ATP8B4: variants seen among roughly 807,000 people sequenced by gnomAD.
ATP8B4 encodes ATPase phospholipid transporting 8B4 (putative).
In ATP8B4, 133 loss-of-function variants were observed where a neutral mutation model predicts 145.6. The ratio of observed to expected loss-of-function variants is 0.91; its 90% CI spans 0.79 to 1.05. The LOEUF (loss-of-function observed/expected upper bound fraction) is 1.05, where lower values mean the gene tolerates loss of function less well. Ranked by LOEUF, ATP8B4 falls within the 50% of genes least tolerant of loss-of-function variation. The probability of loss-of-function intolerance (pLI) is 0.00; values close to 1 mark genes in which losing one functional copy is unlikely to be tolerated. For missense variants in ATP8B4, 1,458 were observed against 1,425.2 expected (o/e 1.02, Z -0.37); for synonymous variants, 507 against 492.9 (o/e 1.03, Z -0.38).
intron 5 of ATP8B4, among the ~76,000 whole-genome samples, chr15:50,040,161 C>T (rs1333250310): frequency 6.6e-6 from 1 of 152,224 alleles, no homozygotes. Flanking sequence ...TGCCCTGTGG[C>T]TTCTGGTAAG....
At chr15:50,064,453 T>G (rs2053238905) in intron 3 of ATP8B4, among the ~76,000 whole-genome samples, 1 of 152,116 alleles carries the variant, frequency 6.6e-6, no homozygotes, top group African/African-American at 2.4e-5. Context: ...CTCTCATTAT[T>G]CAAGCAAAAA....
chr15:50,174,244 T>G (rs1322620309), intron 1 of ATP8B4, among the ~76,000 whole-genome samples: 1 of 152,088 alleles, frequency 6.6e-6, no homozygotes, highest in African/African-American at 2.4e-5. Context: ...AAGACAAGGA[T>G]GCACACTGTC....
At chr15:49,950,961 G>A (rs2043050681) in intron 14 of ATP8B4, among the ~76,000 whole-genome samples, 1 of 152,220 alleles carries the variant, frequency 6.6e-6, no homozygotes, top group East Asian at 1.9e-4. Flanking sequence ...TTACCCAGGA[G>A]TCATTCAGAA....
intron 18 of ATP8B4, among the ~76,000 whole-genome samples, chr15:49,919,549 T>C (rs927247162): frequency 2.0e-5 from 3 of 151,942 alleles, no homozygotes; most frequent in African/African-American, 7.3e-5. Flanking sequence ...TCCCAAGTAG[T>C]TGGGACTACA....
At chr15:50,120,491 G>A (rs1321438779), upstream of ATP8B4, among the ~76,000 whole-genome samples, 1 of 152,146 alleles carries the variant, frequency 6.6e-6, no homozygotes, top group Non-Finnish European at 1.5e-5. Flanking sequence ...CTTTGTTAAA[G>A]AAGATATAAG....
intron 2 of ATP8B4, among the ~76,000 whole-genome samples, chr15:50,098,402 C>T (rs763542676): frequency 1.1e-4 from 17 of 148,146 alleles, no homozygotes; most frequent in Admixed American, 6.9e-4. Flanking sequence ...AGCTATCCTC[C>T]GAGCTCAGTC....
intron 16 of ATP8B4, among the ~76,000 whole-genome samples, chr15:49,925,962 T>C (rs1241537016): frequency 6.6e-6 from 1 of 152,200 alleles, no homozygotes; most frequent in African/African-American, 2.4e-5. Flanking sequence ...GGACAAAGGT[T>C]ACAGTTTTTA....
At chr15:50,049,606 G>T (rs2052015125) in intron 3 of ATP8B4, among the ~76,000 whole-genome samples, 1 of 152,158 alleles carries the variant, frequency 6.6e-6, no homozygotes, top group South Asian at 2.1e-4. Context: ...GTGCCGTAAT[G>T]AACATACAAG....
At chr15:49,861,500 A>C (rs1481877276) in intron 27 of ATP8B4, among the ~76,000 whole-genome samples, 3 of 148,234 alleles carry the variant, frequency 2.0e-5, no homozygotes, top group African/African-American at 5.0e-5. Context: ...CTACCTACCT[A>C]CCTCAGTCTC....
intron 25 of ATP8B4, among the ~76,000 whole-genome samples, chr15:49,869,438 C>T (rs1336891050): frequency 6.6e-6 from 1 of 151,704 alleles, no homozygotes; most frequent in African/African-American, 2.4e-5. Flanking sequence ...GATTATGTAT[C>T]AGGCAAATGT....
chr15:50,009,047 C>T (rs2048525030), intron 7 of ATP8B4, among the ~76,000 whole-genome samples: 1 of 152,096 alleles, frequency 6.6e-6, no homozygotes, highest in African/African-American at 2.4e-5. Context: ...CTTAGAATTC[C>T]ACACGTCCCT....
chr15:50,032,840 TAAC>T (rs2050553383), intron 6 of ATP8B4, among the ~76,000 whole-genome samples: 1 of 152,168 alleles, frequency 6.6e-6, no homozygotes, highest in South Asian at 2.1e-4. Context: ...AAGAAAATAG[TAAC>T]AATAATTACT....
At chr15:50,040,823 T>C (rs1277168329) in intron 5 of ATP8B4, among the ~76,000 whole-genome samples, 17 of 152,060 alleles carry the variant, frequency 1.1e-4, no homozygotes, top group Non-Finnish European at 1.5e-5. Context: ...CTCTAAGAAA[T>C]AAATATGAAG....
chr15:49,897,434 C>A lies in ATP8B4; in HGVS notation c.2555G>T (p.Arg852Ile), dbSNP rs774345282. The change falls in exon 23 of 28, where the codon AGA (arginine) becomes ATA (isoleucine). Residue 852 changes from arginine (R) to isoleucine (I), a missense_variant. By Grantham distance (97) the Arg-to-Ile change is moderately conservative. Transcript: ENST00000284509. ...AACAAGGAGAAGCCTTTGGAGATAT[C>A]TAAACTGTGCAAATGAATAGTCGCT... ...LASDYSFAQF[R>I]YLQRLLLVHG... 1.2e-6 allele frequency: 2 copies of A among 1,612,188 alleles called. No individual in the cohort carries two copies. The highest frequency in any genetic ancestry group is 1.3e-5 in the African/African-American group (1 of 74,908).
chr15:50,001,713 A>G (rs969677143), intron 8 of ATP8B4, among the ~76,000 whole-genome samples: 1 of 152,176 alleles, frequency 6.6e-6, no homozygotes, highest in African/African-American at 2.4e-5. Context: ...ATCAACATCA[A>G]AACTGCATCA....
intron 1 of ATP8B4, among the ~76,000 whole-genome samples, chr15:50,127,424 C>G (rs972996208): frequency 5.3e-5 from 8 of 152,202 alleles, no homozygotes; most frequent in African/African-American, 1.9e-4. Flanking sequence ...TTCTAAATGG[C>G]TTGAGTGAGT....
intron 13 of ATP8B4, among the ~76,000 whole-genome samples, chr15:49,965,278 G>C (rs1167032653): frequency 1.3e-5 from 2 of 152,178 alleles, no homozygotes; most frequent in East Asian, 3.8e-4. Flanking sequence ...CTTCTTCTTA[G>C]TTTTGTTCAG....
At chr15:50,070,784 A>G (rs2053678082) in intron 3 of ATP8B4, among the ~76,000 whole-genome samples, 1 of 152,110 alleles carries the variant, frequency 6.6e-6, no homozygotes, top group Admixed American at 6.5e-5. Flanking sequence ...TCTGTAACCC[A>G]GGCTGGACTG....
intron 1 of ATP8B4, among the ~76,000 whole-genome samples, chr15:50,167,318 G>A (rs1194859475): frequency 5.9e-5 from 9 of 152,328 alleles, no homozygotes; most frequent in African/African-American, 2.2e-4. Flanking sequence ...GGTGTCAGCA[G>A]AGTTGATTCC....
Sources: gnomAD v4.1 joint callset for allele counts (sites outside exome capture counted in the v4.1 genomes callset) on GRCh38, gnomAD v4.1.1 for gene constraint, MANE v1.5 for transcripts, NCBI Gene and HGNC (gene_info 2026-07-23, HGNC 2026-07-21) for gene names.